DLC1: variants seen among roughly 807,000 people sequenced by gnomAD.
The protein encoded by DLC1 is DLC1 Rho GTPase activating protein.
Under a neutral mutation model 140.3 loss-of-function variants are expected in DLC1, and 54 were observed. The ratio of observed to expected loss-of-function variants is 0.38; its 90% CI spans 0.31 to 0.48. DLC1 has a LOEUF of 0.48. Among genes scored for constraint, DLC1 ranks in the 20% least tolerant of loss-of-function variants. The pLI, the probability that DLC1 is intolerant of heterozygous loss-of-function variation, is 0.96. For missense variants in DLC1, 2,536 were observed against 1,907.0 expected (o/e 1.33, Z -6.14); for synonymous variants, 986 against 728.1 (o/e 1.35, Z -5.70).
intron 1 of DLC1, chr8:13,535,949 C>T (rs1041560586): frequency 6.6e-6 from 1 of 152,066 alleles, no homozygotes; most frequent in Non-Finnish European, 1.5e-5. Flanking sequence ...ATTTTTTAAG[C>T]TCTTAACACA....
intron 4 of DLC1, among the ~76,000 whole-genome samples, chr8:13,333,656 C>T (rs1833695913): frequency 1.3e-5 from 2 of 152,142 alleles, no homozygotes; most frequent in South Asian, 4.1e-4. Flanking sequence ...GTGTTCTCAC[C>T]CGCCCCCTTA....
intron 1 of DLC1, among the ~76,000 whole-genome samples, chr8:13,505,195 C>T (rs966948831): frequency 1.3e-5 from 2 of 151,766 alleles, no homozygotes; most frequent in Non-Finnish European, 2.9e-5. Flanking sequence ...CAAAATAATG[C>T]AAATAGTAAA....
chr8:13,595,418 T>C (rs1355549614), intron 1 of DLC1, among the ~76,000 whole-genome samples: 1 of 152,072 alleles, frequency 6.6e-6, no homozygotes, highest in Non-Finnish European at 1.5e-5. Context: ...TGTATATCTT[T>C]TAGTATTTAA....
At chr8:13,181,539 A>C (rs1306690407) in intron 5 of DLC1, among the ~76,000 whole-genome samples, 2 of 130,384 alleles carry the variant, frequency 1.5e-5, no homozygotes, top group African/African-American at 3.0e-5. Flanking sequence ...CCTTGTGTCT[A>C]AGTGATCTCA....
intron 4 of DLC1, among the ~76,000 whole-genome samples, chr8:13,333,750 G>A (rs138229465): frequency 6.6e-6 from 1 of 152,244 alleles, no homozygotes; most frequent in African/African-American, 2.4e-5. Context: ...GGTTTCAAAT[G>A]ACACATTCTC....
chr8:13,286,289 A>G (rs558424847), intron 5 of DLC1, among the ~76,000 whole-genome samples: 10 of 152,274 alleles, frequency 6.6e-5, no homozygotes, highest in African/African-American at 2.4e-4. Context: ...TTCTACCACC[A>G]GAGAAAAAAA....
At chr8:13,347,733 G>A (rs1210928860) in intron 4 of DLC1, among the ~76,000 whole-genome samples, 1 of 152,146 alleles carries the variant, frequency 6.6e-6, no homozygotes, top group African/African-American at 2.4e-5. Flanking sequence ...ACAGAAGCAT[G>A]AATAACTCAT....
intron 2 of DLC1, 141 bp downstream of exon 2, chr8:13,498,908 G>A (rs2117198451): frequency 2.2e-6 from 2 of 897,400 alleles, no homozygotes; most frequent in Non-Finnish European, 3.2e-6. Context: ...TGACCAAGTG[G>A]GTAGTCGTTG....
intron 4 of DLC1, among the ~76,000 whole-genome samples, chr8:13,384,880 G>A (rs904974402): frequency 4.6e-5 from 7 of 151,978 alleles, no homozygotes; most frequent in African/African-American, 1.7e-4. Flanking sequence ...TCGTGGGGAT[G>A]CTCTTGGAAA....
chr8:13,291,626 G>A (rs1831760711), intron 5 of DLC1, among the ~76,000 whole-genome samples: 1 of 152,126 alleles, frequency 6.6e-6, no homozygotes, highest in South Asian at 2.1e-4. Flanking sequence ...ATACTATAGT[G>A]ACATGGACAG....
intron 12 of DLC1, among the ~76,000 whole-genome samples, chr8:13,093,540 G>A (rs1818261714): frequency 6.6e-6 from 1 of 152,160 alleles, no homozygotes; most frequent in African/African-American, 2.4e-5. Context: ...GGTAGAAAAT[G>A]CTGATCCCGA....
intron 4 of DLC1, among the ~76,000 whole-genome samples, chr8:13,332,512 C>A (rs1268527410): frequency 1.3e-5 from 2 of 151,472 alleles, no homozygotes; most frequent in Non-Finnish European, 2.9e-5. Context: ...CTCATTGCAA[C>A]CTCCACCTCT....
intron 2 of DLC1, among the ~76,000 whole-genome samples, chr8:13,465,161 T>G (rs1400499770): frequency 1.3e-5 from 2 of 152,198 alleles, no homozygotes; most frequent in Non-Finnish European, 2.9e-5. Context: ...CGTGGTCTTT[T>G]GGATTATTTC....
chr8:13,115,527 A>T, intron 6 of DLC1, 59 bp downstream of exon 6: 1 of 1,443,310 alleles, frequency 6.9e-7, no homozygotes, highest in Non-Finnish European at 9.6e-7. Flanking sequence ...GATCAGTAAT[A>T]CTCGCGAACA....
At chr8:13,268,649 C>T (rs1030577116) in intron 5 of DLC1, among the ~76,000 whole-genome samples, 2 of 152,112 alleles carry the variant, frequency 1.3e-5, no homozygotes, top group African/African-American at 4.8e-5. Flanking sequence ...TCCAAAAGTG[C>T]TGGGATTACA....
At chr8:13,383,759 A>T (rs549976340) in intron 4 of DLC1, among the ~76,000 whole-genome samples, 1 of 152,304 alleles carries the variant, frequency 6.6e-6, no homozygotes, top group East Asian at 1.9e-4. Context: ...AAGCATTCCC[A>T]TTGAGAAAAA....
chr8:13,098,262 G>C lies in DLC1; in HGVS notation c.3167+137C>G, dbSNP rs141155290. ...ACAAACAAACAAACAAAAATGCAGA[G>C]AGTGATTGCCATAGGATGACAGATG... On this transcript the variant is annotated intron_variant, in intron 10 of 17. Transcript: ENST00000276297. 2.1e-3 allele frequency: 2,420 copies of C among 1,133,948 alleles called. 43 individuals are homozygous for C. In the African/African-American group the frequency reaches 0.034, roughly 16 times the overall value. The allele number at this position is 1,133,948 out of a possible 1,614,324, so 70.2% of individuals were successfully genotyped here. A position where few individuals can be genotyped will look rare whatever the true frequency, so the allele number is the denominator to read the frequency against.
At position 13,099,923 on chromosome 8, in the gene DLC1, G is replaced by A. The variant is rs766262406; in HGVS notation, c.2414C>T (p.Thr805Met). ...GTGATCTTCAGGGATGTAGAACACC[G>A]TGTCCTCTGGGTAGCTCTCGCGGTT... Reference protein sequence around the residue: ...FKNRESYPEDTVFYIPEDHKP... With the variant: ...FKNRESYPEDMVFYIPEDHKP... Residue 805 changes from threonine (T) to methionine (M), a missense_variant, in exon 9 of 18, where the codon ACG (threonine) becomes ATG (methionine). Transcript: ENST00000276297. 4.2e-5 allele frequency: 68 copies of A among 1,613,794 alleles called. No individual in the cohort carries two copies. The South Asian group carries it at 5.8e-4, about 14-fold the overall frequency.
intron 5 of DLC1, among the ~76,000 whole-genome samples, chr8:13,136,083 A>G (rs1056811402): frequency 6.6e-6 from 1 of 152,256 alleles, no homozygotes; most frequent in African/African-American, 2.4e-5. Context: ...AGAAATGGAC[A>G]TGCTACATTT....
Sources: gnomAD v4.1 joint callset for allele counts (sites outside exome capture counted in the v4.1 genomes callset) on GRCh38, gnomAD v4.1.1 for gene constraint, MANE v1.5 for transcripts, NCBI Gene and HGNC (gene_info 2026-07-23, HGNC 2026-07-21) for gene names.